Variants in UTRN observed in about 807,000 individuals in gnomAD.
UTRN encodes dystrophin-related protein 1.
Under a neutral mutation model 463.9 loss-of-function variants are expected in UTRN, and 283 were observed. That is an observed-to-expected ratio of 0.61 (90% CI 0.55 to 0.67). The LOEUF (loss-of-function observed/expected upper bound fraction) is 0.67, where lower values mean the gene tolerates loss of function less well. Ranked by LOEUF, UTRN falls within the 30% of genes least tolerant of loss-of-function variation. UTRN has a pLI of 0.00. For synonymous variants in UTRN, 1,442 were observed against 1,431.5 expected (o/e 1.01, Z -0.17); for missense variants, 3,922 against 4,084.3 (o/e 0.96, Z 1.08).
chr6:144,447,308 G>C lies in UTRN; in HGVS notation c.1712G>C (p.Arg571Pro). Residue 571 changes from arginine (R) to proline (P), a missense_variant, in exon 15 of 75, where the codon CGA becomes CCA. Arg to Pro is a moderately radical substitution (Grantham distance 103). This residue lies in a region of UTRN where 2,349 missense variants were observed against 2,303.8 expected (regional missense o/e 1.02). Transcript: ENST00000367545. ...CAAAAGGAACTAAGTGTCAGTGTTC[G>C]ACGTCTGGCTGTAAGTGATGGGGTT... ...KDQKELSVSV[R>P]RLAILKEDME... is the part of the protein sequence containing the mutation. 6.2e-7 allele frequency: 1 copy of C among 1,613,106 alleles called. No homozygotes were observed. Among genetic ancestry groups the C allele is most frequent in the African/African-American group, 1.3e-5 (1 of 75,016 alleles).
chr6:144,620,069 G>A (rs1164130518), intron 51 of UTRN, among the ~76,000 whole-genome samples: 2 of 152,128 alleles, frequency 1.3e-5, no homozygotes, highest in Non-Finnish European at 2.9e-5. Context: ...CAAATGGAGA[G>A]TTATATATTG....
At chr6:144,804,627 C>A (rs942701147) in intron 65 of UTRN, among the ~76,000 whole-genome samples, 1 of 152,146 alleles carries the variant, frequency 6.6e-6, no homozygotes, top group African/African-American at 2.4e-5. Flanking sequence ...CATTGGTCAG[C>A]ATCAGTTCCA....
intron 2 of UTRN, among the ~76,000 whole-genome samples, chr6:144,345,834 T>C (rs1777518390): frequency 6.6e-6 from 1 of 152,092 alleles, no homozygotes; most frequent in African/African-American, 2.4e-5. Flanking sequence ...ACCTTAATGA[T>C]TGAAATCAGA....
chr6:144,522,279 C>A, intron 40 of UTRN, 108 bp downstream of exon 40: 2 of 871,906 alleles, frequency 2.3e-6, no homozygotes, highest in East Asian at 3.0e-5. Flanking sequence ...CAATTTGTGC[C>A]AGGGGATTAA....
chr6:144,544,843 A>T (rs1271059265), intron 46 of UTRN, among the ~76,000 whole-genome samples: 1 of 152,160 alleles, frequency 6.6e-6, no homozygotes, highest in Non-Finnish European at 1.5e-5. Context: ...CCACTTATGC[A>T]TAGGATCCCA....
At chr6:144,445,332 C>CG (rs1297186018) in intron 14 of UTRN, among the ~76,000 whole-genome samples, 2 of 109,828 alleles carry the variant, frequency 1.8e-5, no homozygotes, top group African/African-American at 7.3e-5. Flanking sequence ...GCCTGGGAGA[C>CG]AAGAGCGAGA....
At chr6:144,457,028 C>T (rs145437872) in intron 19 of UTRN, among the ~76,000 whole-genome samples, 14 of 152,214 alleles carry the variant, frequency 9.2e-5, no homozygotes, top group Non-Finnish European at 1.3e-4. Context: ...TTGATTTTGC[C>T]TTTTGACTAG....
chr6:144,835,129 C>T (rs1283044099), intron 69 of UTRN, among the ~76,000 whole-genome samples: 2 of 152,194 alleles, frequency 1.3e-5, no homozygotes, highest in African/African-American at 2.4e-5. Flanking sequence ...AATTCAACCA[C>T]GTTACTGCTA....
At chr6:144,321,176 A>G (rs1048173059) in intron 2 of UTRN, among the ~76,000 whole-genome samples, 1 of 152,120 alleles carries the variant, frequency 6.6e-6, no homozygotes, top group Non-Finnish European at 1.5e-5. Flanking sequence ...CATGTTTTCT[A>G]TGCCAGCCAC....
intron 65 of UTRN, among the ~76,000 whole-genome samples, chr6:144,810,981 T>C (rs1267219181): frequency 6.6e-6 from 1 of 152,224 alleles, no homozygotes; most frequent in African/African-American, 2.4e-5. Flanking sequence ...CTTGTTGATA[T>C]TGATTAATAT....
chr6:144,489,541 C>A (rs1219425916), intron 30 of UTRN, among the ~76,000 whole-genome samples: 1 of 152,144 alleles, frequency 6.6e-6, no homozygotes, highest in Non-Finnish European at 1.5e-5. Flanking sequence ...TTAGAAACGA[C>A]AAATGCAAAG....
chr6:144,657,021 C>G (rs1408581525), intron 51 of UTRN, among the ~76,000 whole-genome samples: 3 of 152,138 alleles, frequency 2.0e-5, no homozygotes, highest in Admixed American at 2.0e-4. Flanking sequence ...AAGGCCGAGG[C>G]AGGTGGATCA....
intron 53 of UTRN, among the ~76,000 whole-genome samples, chr6:144,701,059 A>G (rs1057353237): frequency 1.3e-5 from 2 of 152,230 alleles, no homozygotes; most frequent in Non-Finnish European, 2.9e-5. Context: ...GGCGCATGCC[A>G]CCATGCCCGG....
At chr6:144,294,806 T>A (rs1228536953) in intron 2 of UTRN, among the ~76,000 whole-genome samples, 3 of 152,228 alleles carry the variant, frequency 2.0e-5, no homozygotes, top group African/African-American at 7.2e-5. Context: ...TTTTTTAAAT[T>A]TTATAATTTT....
intron 2 of UTRN, among the ~76,000 whole-genome samples, chr6:144,292,217 G>A (rs536500269): frequency 7.2e-5 from 11 of 152,202 alleles, no homozygotes; most frequent in Admixed American, 6.5e-4. Flanking sequence ...CTATTTTCTG[G>A]AAATTGAAGG....
intron 2 of UTRN, among the ~76,000 whole-genome samples, chr6:144,298,299 C>T (rs934518114): frequency 6.6e-6 from 1 of 152,134 alleles, no homozygotes; most frequent in East Asian, 1.9e-4. Context: ...AAATTGAAAC[C>T]AGGTCCCAGT....
At chr6:144,392,140 A>C (rs1297327866) in intron 2 of UTRN, among the ~76,000 whole-genome samples, 3 of 152,268 alleles carry the variant, frequency 2.0e-5, no homozygotes, top group East Asian at 1.9e-4. Context: ...ATGTTTTAAA[A>C]TATTGAGTAT....
chr6:144,467,960 T>C (rs1246971902), intron 23 of UTRN, among the ~76,000 whole-genome samples: 2 of 152,116 alleles, frequency 1.3e-5, no homozygotes, highest in Admixed American at 1.3e-4. Context: ...TATTGAGTAT[T>C]ATAAAGTGAA....
In UTRN at chr6:144,510,967, G is replaced by A. The variant is rs1328706304; in HGVS notation, c.4788G>A (p.Lys1596=). The change falls in exon 35 of 75, where the codon AAG becomes AAA. Residue 1596 remains lysine (K), a synonymous_variant. Transcript: ENST00000367545. Reference sequence around the variant, plus strand: ...AGAATGTTCTGAAGGATCTGGAAAAGAGAAAAGCTGATTTAAATACCATCA... The same window carrying A: ...AGAATGTTCTGAAGGATCTGGAAAAAAGAAAAGCTGATTTAAATACCATCA... ...WAKNVLKDLE[K]RKADLNTITE... 3.7e-6 allele frequency: 6 copies of A among 1,602,458 alleles called. No homozygotes were observed. The highest frequency in any genetic ancestry group is 3.4e-5 in the Admixed American group (2 of 58,806).
Sources: gnomAD v4.1 joint callset for allele counts (sites outside exome capture counted in the v4.1 genomes callset) on GRCh38, gnomAD v4.1.1 for gene constraint, gnomAD v4.1.1 regional missense constraint, MANE v1.5 for transcripts, NCBI Gene and HGNC (gene_info 2026-07-23, HGNC 2026-07-21) for gene names.